The following SPAG9 variants were observed in gnomAD, a reference collection of about 807,000 sequenced individuals.
The protein encoded by SPAG9 is C-Jun-amino-terminal kinase-interacting protein 4.
A neutral mutation model predicts 166.5 loss-of-function variants in SPAG9; 35 were observed. The observed-to-expected ratio is 0.21, with a 90% CI of 0.16 to 0.28. The LOEUF is 0.28. Among genes scored for constraint, SPAG9 ranks in the 10% least tolerant of loss-of-function variants. SPAG9 has a pLI of 1.00. For missense variants in SPAG9, 1,235 were observed against 1,603.3 expected, an observed-to-expected ratio of 0.77 and a Z score of 3.92; for synonymous variants, 534 against 565.5, an observed-to-expected ratio of 0.94 and a Z score of 0.79.
At chr17:51,061,794 T>C (rs532915900) in intron 2 of SPAG9, among the ~76,000 whole-genome samples, 3 of 152,204 alleles carry the variant, frequency 2.0e-5, no homozygotes, top group African/African-American at 7.2e-5. Context: ...CTTAAGCATT[T>C]TGAATTATTT....
At chr17:50,966,725 AAG>A (rs762612979) in intron 29 of SPAG9, among the ~76,000 whole-genome samples, 3 of 152,234 alleles carry the variant, frequency 2.0e-5, no homozygotes, top group Admixed American at 6.5e-5. Context: ...ATCCAAAATG[AAG>A]AGTCTACTGT....
intron 6 of SPAG9, among the ~76,000 whole-genome samples, chr17:51,025,666 A>G (rs1160384136): frequency 6.6e-6 from 1 of 152,126 alleles, no homozygotes; most frequent in Non-Finnish European, 1.5e-5. Flanking sequence ...TGAGGTGGGC[A>G]TATCACTTGA....
At chr17:51,096,026 T>C (rs899644060) in intron 1 of SPAG9, among the ~76,000 whole-genome samples, 7 of 136,890 alleles carry the variant, frequency 5.1e-5, no homozygotes, top group Admixed American at 1.5e-4. Flanking sequence ...TATAGTGATA[T>C]ATATATATAG....
intron 3 of SPAG9, among the ~76,000 whole-genome samples, chr17:51,048,447 T>A (rs2047090875): frequency 2.1e-5 from 3 of 145,374 alleles, no homozygotes; most frequent in Non-Finnish European, 3.0e-5. Context: ...ACTTGAATTC[T>A]TTTTTTTTTT....
At chr17:51,041,744 T>C in intron 4 of SPAG9, 93 bp from the exon 5 acceptor site, 1 of 1,158,516 alleles carries the variant, frequency 8.6e-7, no homozygotes, top group South Asian at 1.4e-5. Flanking sequence ...TGCCACTGTT[T>C]TACAACCATC....
rs1424051222 is a variant in SPAG9 at position 51,110,272 on chromosome 17, A to G, written c.303+10082T>C. On this transcript the variant is annotated intron_variant, in intron 1 of 29. Transcript: ENST00000262013. ...ATAAAACAACAACTACTGAATCTAT[A>G]TAGTGGGTATACAAATGACAAATGT... Among the ~76,000 whole-genome samples, 4 of 151,984 alleles carry G rather than the reference A, an allele frequency of 2.6e-5. No individual in the cohort carries two copies. In the East Asian group the frequency reaches 7.7e-4, roughly 29 times the overall value.
chr17:51,027,436 A>G (rs1289773300), intron 6 of SPAG9, among the ~76,000 whole-genome samples: 1 of 146,720 alleles, frequency 6.8e-6, no homozygotes, highest in Non-Finnish European at 1.5e-5. Flanking sequence ...CCTTGTCTCA[A>G]AAAAAAAAAA....
intron 26 of SPAG9, among the ~76,000 whole-genome samples, chr17:50,977,517 A>G (rs969656274): frequency 5.3e-5 from 8 of 152,218 alleles, no homozygotes; most frequent in Non-Finnish European, 1.2e-4. Context: ...AAAAGTACAC[A>G]GGAAATAGGA....
In SPAG9 at chr17:50,962,642, T is replaced by G. The variant is rs1973184571; in HGVS notation, c.*3630A>C. On this transcript the variant is annotated 3_prime_UTR_variant, in exon 30 of 30. Coordinates refer to ENST00000262013, the MANE Select transcript of SPAG9 (RefSeq NM_001130528.3). The stretch of plus-strand genomic sequence containing the variant: ...CAATTAAGAAGAGCCCTAAATCTGG[T>G]TGAGTCCTTTGGTAACGGTCATAAT... 1 of 152,204 alleles carries G rather than the reference T, an allele frequency of 6.6e-6. No individual in the cohort carries two copies. The highest frequency in any genetic ancestry group is 2.4e-5 in the African/African-American group (1 of 41,452). 9.4% of individuals were successfully genotyped at this position (152,204 alleles called of 1,614,324 possible). A position where few individuals can be genotyped will look rare whatever the true frequency, so the allele number is the denominator to read the frequency against.
At chr17:51,008,541 T>C (rs950116577) in intron 9 of SPAG9, among the ~76,000 whole-genome samples, 8 of 151,994 alleles carry the variant, frequency 5.3e-5, no homozygotes, top group African/African-American at 1.5e-4. Context: ...GGAGTTAACA[T>C]GTCCCTTTAT....
intron 27 of SPAG9, chr17:50,975,859 T>C: frequency 6.5e-7 from 1 of 1,535,286 alleles, no homozygotes; most frequent in Middle Eastern, 1.7e-4. Context: ...GAATCTGCAC[T>C]TACCCCTCAG....
intron 27 of SPAG9, chr17:50,976,872 G>A (rs1974245422): frequency 5.3e-6 from 2 of 376,512 alleles, no homozygotes; most frequent in Admixed American, 4.4e-5. Flanking sequence ...AAATAGGACT[G>A]TGATTCCTGA....
rs1339893451 is a variant in SPAG9 at position 51,001,606 on chromosome 17, C to T, written c.1607+109G>A. On this transcript the variant is annotated intron_variant, in intron 13 of 29. Transcript: ENST00000262013. ...ACTTTAAAAAGTCTCTCCTAGTAAA[C>T]AGAGAAAGGGGCTTGGATCTTACAG... The T allele has an allele frequency of 1.0e-5, 11 of 1,071,426 alleles. No individual in the cohort carries two copies. The African/African-American group carries it at 1.8e-4, about 17-fold the overall frequency. The allele number at this position is 1,071,426 out of a possible 1,614,324, so 66.4% of individuals were successfully genotyped here.
At chr17:51,009,429 C>T (rs891746090) in intron 9 of SPAG9, among the ~76,000 whole-genome samples, 74 of 152,132 alleles carry the variant, frequency 4.9e-4, no homozygotes, top group African/African-American at 1.6e-3. Flanking sequence ...GGAGGGTATA[C>T]AGGACATTTT....
chr17:51,046,233 T>C (rs1179741229), intron 4 of SPAG9, among the ~76,000 whole-genome samples: 1 of 152,212 alleles, frequency 6.6e-6, no homozygotes, highest in East Asian at 1.9e-4. Context: ...ACTTTGAACA[T>C]TCTGCTTAAA....
intron 2 of SPAG9, among the ~76,000 whole-genome samples, chr17:51,066,567 G>GGAAAAAAA (rs2047674151): frequency 9.0e-6 from 1 of 110,838 alleles, no homozygotes; most frequent in Admixed American, 1.1e-4. Context: ...AAAAAAAAAA[G>GGAAAAAAA]AAAAAAAAAA....
intron 29 of SPAG9, among the ~76,000 whole-genome samples, 182 bp downstream of exon 29, chr17:50,970,525 A>G (rs886260222): frequency 9.2e-5 from 14 of 151,994 alleles, no homozygotes; most frequent in Admixed American, 5.9e-4. Context: ...AAAAAAAAAA[A>G]AAAGAAAGAA....
chr17:51,065,257 T>C (rs541512281), intron 2 of SPAG9, among the ~76,000 whole-genome samples: 1 of 152,228 alleles, frequency 6.6e-6, no homozygotes, highest in African/African-American at 2.4e-5. Context: ...GGTTATGAAC[T>C]CCTGGGCTCA....
intron 1 of SPAG9, among the ~76,000 whole-genome samples, chr17:51,080,969 T>C (rs2048147968): frequency 6.6e-6 from 1 of 151,120 alleles, no homozygotes; most frequent in Middle Eastern, 3.4e-3. Context: ...TGGTCTTCTC[T>C]AGCTCATTAA....
Sources: allele counts gnomAD v4.1 joint callset (sites outside exome capture counted in the v4.1 genomes callset), GRCh38; gene constraint gnomAD v4.1.1; transcripts MANE v1.5; gene names NCBI Gene and HGNC (gene_info 2026-07-23, HGNC 2026-07-21).